Variants in HLA-F observed in about 807,000 individuals in gnomAD.
HLA-F encodes the protein major histocompatibility complex, class I, F.
HLA-F carries 46 observed loss-of-function variants against 49.5 expected under a neutral mutation model. That is an observed-to-expected ratio of 0.93 (90% CI 0.73 to 1.19). HLA-F has a LOEUF of 1.19. Among genes scored for constraint, HLA-F ranks in the 50% most tolerant of loss-of-function variants. HLA-F has a pLI of 0.00. For synonymous variants in HLA-F, 203 were observed against 233.5 expected (o/e 0.87, Z 1.19); for missense variants, 496 against 579.6 (o/e 0.86, Z 1.48).
chr6:29,725,410 G>A (rs1283840598), intron 4 of HLA-F, 37 bp from the exon 5 acceptor site: 2 of 1,609,854 alleles, frequency 1.2e-6, no homozygotes, highest in Admixed American at 1.7e-5. Context: ...GCTGAGGCCT[G>A]GAGATCAGGG....
intron 3 of HLA-F, chr6:29,735,363 G>GTATATATATA (rs1562309509): frequency 2.4e-5 from 1 of 41,276 alleles, no homozygotes; most frequent in Admixed American, 2.5e-4. Context: ...ATATATATGT[G>GTATATATATA]TGTATATATA....
rs779567471 is a variant in HLA-F at position 29,725,198 on chromosome 6, G to A, written c.778G>A (p.Gly260Arg). 2 of 1,613,784 alleles carry A rather than the reference G, an allele frequency of 1.2e-6. No homozygotes were observed. Residue 260 changes from glycine to arginine, a missense_variant, in exon 4 of 7, where the codon GGA becomes AGA. By Grantham distance (125) the Gly-to-Arg change is moderately radical. Transcript: ENST00000259951. ...ELVETRPAGDGTFQKWAAVVV... is the reference protein window; with the variant it reads ...ELVETRPAGDRTFQKWAAVVV... Reference sequence around the variant, plus strand: ...TGTGGAGACCAGGCCTGCAGGGGATGGAACCTTCCAGAAGTGGGCCGCTGT... The same window carrying A: ...TGTGGAGACCAGGCCTGCAGGGGATAGAACCTTCCAGAAGTGGGCCGCTGT...
At chr6:29,724,964 T>C in intron 3 of HLA-F, 67 bp from the exon 4 acceptor site, 1 of 1,559,062 alleles carries the variant, frequency 6.4e-7, no homozygotes, top group Non-Finnish European at 8.7e-7. Context: ...CTCAGGTTGG[T>C]CACATGGGTG....
intron 3 of HLA-F, chr6:29,737,673 T>C (rs1350155763): frequency 6.6e-6 from 1 of 152,202 alleles, no homozygotes. Context: ...GGGTTTTTTA[T>C]GACAAAAACA....
At chr6:29,726,321 T>A (rs1215518282) in intron 6 of HLA-F, 1 of 1,440,786 alleles carries the variant, frequency 6.9e-7, no homozygotes, top group East Asian at 2.3e-5. Context: ...GACTTGGATG[T>A]CTTGAGCATG....
At chr6:29,724,845 C>A (rs2072899) in intron 3 of HLA-F, among the ~76,000 whole-genome samples, 186 bp from the exon 4 acceptor site, 64,450 of 151,982 alleles carry the variant, frequency 0.42, 13,768 homozygotes, top group Non-Finnish European at 0.45. Context: ...CCTGCTCCCC[C>A]CTCAGAGACT....
chr6:29,723,489 T>G lies in HLA-F; in HGVS notation c.26T>G (p.Leu9Arg). 6.2e-7 allele frequency: 1 copy of G among 1,613,604 alleles called. No homozygotes were observed. The highest frequency in any genetic ancestry group is 8.5e-7 in the Non-Finnish European group (1 of 1,179,952). Residue 9 changes from leucine (L) to arginine (R), a missense_variant, in exon 1 of 7, where the codon CTG (leucine) becomes CGG (arginine). Transcript: ENST00000259951. Reference sequence around the variant, plus strand: ...ATGGCGCCCCGAAGCCTCCTCCTGCTGCTCTCAGGGGCCCTGGCCCTGACC... The same window carrying G: ...ATGGCGCCCCGAAGCCTCCTCCTGCGGCTCTCAGGGGCCCTGGCCCTGACC... MAPRSLLL[L>R]LSGALALTDT...
chr6:29,729,977 G>C (rs969426235), downstream of HLA-F, among the ~76,000 whole-genome samples: 1 of 152,176 alleles, frequency 6.6e-6, no homozygotes, highest in Non-Finnish European at 1.5e-5. Flanking sequence ...GTGTACAGTG[G>C]TACAGCGACC....
At chr6:29,728,144 C>A (rs62391802), downstream of HLA-F, 11,588 of 508,480 alleles carry the variant, frequency 0.023, 221 homozygotes, top group Non-Finnish European at 0.036. Context: ...ACAAGTCAGC[C>A]CAATCACCCA....
chr6:29,724,445 G>A lies in HLA-F; in HGVS notation c.607G>A (p.Ala203Thr), dbSNP rs750557004. 6.2e-7 allele frequency: 1 copy of A among 1,612,784 alleles called. No homozygotes were observed. The highest frequency in any genetic ancestry group is 2.2e-5 in the East Asian group (1 of 44,870). ...LENGKETLQR[A>T]DPPKAHVAHH... ...GAATGGGAAGGAGACGCTACAGCGC[G>A]CAGGTACCAGGGGCCATGGGCGCCT... Residue 203 changes from alanine to threonine, a missense_variant, in exon 3 of 7, where the codon GCA (alanine) becomes ACA (threonine). Coordinates refer to ENST00000259951, the MANE Select transcript of HLA-F (RefSeq NM_001098479.2).
intron 3 of HLA-F, chr6:29,734,977 G>T (rs1776930819): frequency 6.6e-6 from 1 of 152,042 alleles, no homozygotes; most frequent in South Asian, 2.1e-4. Flanking sequence ...CAGCAATGTT[G>T]TAGCATGTAT....
rs1209264434 is a variant in HLA-F, at chr6:29,724,282, C to T, written c.444C>T (p.Asn148=). 8 of 1,613,238 alleles carry T rather than the reference C, an allele frequency of 5.0e-6. No homozygotes were observed. The highest frequency in any genetic ancestry group is 6.8e-6 in the Non-Finnish European group (8 of 1,180,030). The part of the protein sequence containing the change: ...AYDGKDYISL[N]EDLRSWTAAD... The stretch of plus-strand genomic sequence containing the variant: ...ACGGCAAGGATTACATCTCCCTGAA[C>T]GAGGACCTGCGCTCCTGGACCGCGG... Residue 148 remains asparagine (N), a synonymous_variant, in exon 3 of 7, where the codon AAC becomes AAT. Coordinates refer to ENST00000259951, the MANE Select transcript of HLA-F (RefSeq NM_001098479.2).
At chr6:29,725,950 C>T in intron 5 of HLA-F, 61 bp from the exon 6 acceptor site, 1 of 1,580,932 alleles carries the variant, frequency 6.3e-7, no homozygotes, top group Non-Finnish European at 8.7e-7. Flanking sequence ...TAGGGGTTTG[C>T]TCTAGGACCT....
rs1268945366 is a variant in HLA-F at position 29,726,048 on chromosome 6, G to A, written c.1036+5G>A. The A allele has an allele frequency of 6.2e-7, 1 of 1,613,570 alleles. No homozygotes were observed. Among genetic ancestry groups the A allele is most frequent in the Non-Finnish European group, 8.5e-7 (1 of 1,179,468 alleles). On this transcript the variant is annotated splice_donor_5th_base_variant and intron_variant, in intron 6 of 6. Transcript: ENST00000259951. ...GGAGCTACTCTCAGGCTGCAGGTAA[G>A]ATGAAGGAGGCTGATCCCTGAGATT... is the stretch of plus-strand genomic sequence containing the variant.
At chr6:29,735,450 T>C (rs574667831) in intron 3 of HLA-F, 1 of 149,726 alleles carries the variant, frequency 6.7e-6, no homozygotes, top group African/African-American at 2.4e-5. Flanking sequence ...ATGACAGTCT[T>C]TTTTTTTCTG....
chr6:29,724,080 C>G (rs2072895), intron 2 of HLA-F, 93 bp from the exon 3 acceptor site: 670,792 of 1,562,232 alleles, frequency 0.43, 146,011 homozygotes, highest in Non-Finnish European at 0.44. Context: ...CGCCTTTACC[C>G]AGGTTCATTT....
At chr6:29,723,965 C>A in intron 2 of HLA-F, 38 bp downstream of exon 2, 2 of 1,572,024 alleles carry the variant, frequency 1.3e-6, no homozygotes, top group Non-Finnish European at 1.7e-6. Flanking sequence ...TCACGACCAC[C>A]CCCCATCCGC....
chr6:29,723,436 AT>A lies in HLA-F; in HGVS notation c.-23del. On this transcript the variant is annotated 5_prime_UTR_variant, in exon 1 of 7. Coordinates refer to ENST00000259951, the MANE Select transcript of HLA-F (RefSeq NM_001098479.2). ...GTCCCACGCACCCCGCGGGACTCATATTTTTCCCAGACGCGGAGGTTGGGGT... is the reference window on the plus strand; with the variant it reads ...GTCCCACGCACCCCGCGGGACTCATATTTTCCCAGACGCGGAGGTTGGGGT... 1 of 1,612,688 alleles carries A rather than the reference AT, an allele frequency of 6.2e-7. No homozygotes were observed. The highest frequency in any genetic ancestry group is 1.1e-5 in the South Asian group (1 of 91,052).
In HLA-F at chr6:29,725,874, A is replaced by G. The variant is rs563684738; in HGVS notation, c.1004-137A>G. 646 of 969,874 alleles carry G rather than the reference A, an allele frequency of 6.7e-4. 8 individuals carry two copies. In the South Asian group the frequency reaches 8.4e-3, roughly 13 times the overall value. 60.1% of individuals were successfully genotyped at this position (969,874 alleles called of 1,614,324 possible). A position where few individuals can be genotyped will look rare whatever the true frequency, so the allele number is the denominator to read the frequency against. On this transcript the variant is annotated intron_variant, in intron 5 of 6. Coordinates refer to ENST00000259951, the MANE Select transcript of HLA-F (RefSeq NM_001098479.2). ...TCCAGGACCCACATCTGCTTTCTTC[A>G]TATTTCTTGATCCTGCCCTGGATCT...
Sources: allele counts gnomAD v4.1 joint callset (sites outside exome capture counted in the v4.1 genomes callset), GRCh38; gene constraint gnomAD v4.1.1; transcripts MANE v1.5; gene names NCBI Gene and HGNC (gene_info 2026-07-23, HGNC 2026-07-21).